The following ECSCR variants were observed in gnomAD, a reference collection of about 807,000 sequenced individuals.
The protein encoded by ECSCR is endothelial cell-specific chemotaxis regulator.
In ECSCR, 12 loss-of-function variants were observed where a neutral mutation model predicts 16.7. The observed-to-expected ratio is 0.72, with a 90% CI of 0.46 to 1.17. The LOEUF (loss-of-function observed/expected upper bound fraction) is 1.17, where lower values mean the gene tolerates loss of function less well. ECSCR is among the 50% of genes most tolerant of loss of function. ECSCR has a pLI of 0.00. For missense variants in ECSCR, 122 were observed against 116.1 expected (o/e 1.05, Z -0.23); for synonymous variants, 44 against 42.2 (o/e 1.04, Z -0.17).
chr5:139,457,281 C>T (rs1326353956), intron 4 of ECSCR, among the ~76,000 whole-genome samples: 2 of 152,192 alleles, frequency 1.3e-5, no homozygotes, highest in Admixed American at 6.5e-5. Context: ...CTCAGCTGAC[C>T]CCTTCTCAGC....
Position 139,459,452 on chromosome 5 carries a change from A to G in ECSCR, c.62-1269T>C, listed in dbSNP as rs574370082. ...AGGGGTCAGTCACCAAGAGTCCCCAATCAGAAGCCCTCACTGGCTTTTTTG... is the reference window on the plus strand; with the variant it reads ...AGGGGTCAGTCACCAAGAGTCCCCAGTCAGAAGCCCTCACTGGCTTTTTTG... On this transcript the variant is annotated intron_variant, in intron 1 of 9. Transcript: ENST00000618155. 4.6e-4 allele frequency among the ~76,000 whole-genome samples: 70 copies of G among 152,312 alleles called. 1 individual carries two copies. In the South Asian group the frequency reaches 9.3e-3, roughly 20 times the overall value.
Position 139,456,534 on chromosome 5 carries a change from G to C in ECSCR, c.218-16C>G. ...ACACCTGCGCCTGCACCATGAAACA[G>C]CATGACCAAGATGGGGGCATCCCCC... On this transcript the variant is annotated splice_polypyrimidine_tract_variant and intron_variant, in intron 4 of 9. Coordinates refer to ENST00000618155, the MANE Select transcript of ECSCR (RefSeq NM_001077693.4). 1 of 398,692 alleles carries C rather than the reference G, an allele frequency of 2.5e-6. No homozygotes were observed. Among genetic ancestry groups the C allele is most frequent in the Admixed American group, 4.4e-5 (1 of 22,734 alleles). The allele number at this position is 398,692 out of a possible 1,614,324, so 24.7% of individuals were successfully genotyped here. A position where few individuals can be genotyped will look rare whatever the true frequency, so the allele number is the denominator to read the frequency against.
chr5:139,458,246 GA>G lies in ECSCR; in HGVS notation c.62-64del, dbSNP rs1751205176. ...CCTGCCCAGCACAGAGCCTAGAAAG[GA>G]ACCCTTAGAATGCCTTCTGGCCCAG... is the stretch of plus-strand genomic sequence containing the variant. On this transcript the variant is annotated intron_variant, in intron 1 of 9. Transcript: ENST00000618155. 2.2e-5 allele frequency: 32 copies of G among 1,482,078 alleles called. 2 individuals carry two copies. The South Asian group carries it at 3.8e-4, about 17-fold the overall frequency. The allele number at this position is 1,482,078 out of a possible 1,614,324, so 91.8% of individuals were successfully genotyped here. A position where few individuals can be genotyped will look rare whatever the true frequency, so the allele number is the denominator to read the frequency against.
chr5:139,456,002 G>A (rs1332387462), intron 5 of ECSCR, among the ~76,000 whole-genome samples: 1 of 151,874 alleles, frequency 6.6e-6, no homozygotes, highest in Non-Finnish European at 1.5e-5. Flanking sequence ...CGTGCCTATA[G>A]TCCCAGCTAC....
chr5:139,449,872 C>T (rs1210641771), intron 8 of ECSCR, among the ~76,000 whole-genome samples: 8 of 151,582 alleles, frequency 5.3e-5, no homozygotes, highest in Admixed American at 6.6e-5. Context: ...CAGGTGTGAG[C>T]CATCGCATCC....
At chr5:139,458,085 C>T in intron 2 of ECSCR, 54 bp downstream of exon 2, 1 of 1,524,648 alleles carries the variant, frequency 6.6e-7, no homozygotes, top group Non-Finnish European at 8.9e-7. Flanking sequence ...TCCTCTCACC[C>T]TTCCTAAGCT....
chr5:139,454,024 A>T (rs1203567137), intron 8 of ECSCR, among the ~76,000 whole-genome samples: 2 of 109,264 alleles, frequency 1.8e-5, no homozygotes, highest in African/African-American at 7.3e-5. Context: ...ATAGTATGGG[A>T]TATGTGTGGT....
In ECSCR at chr5:139,454,895, C is replaced by A. The variant is rs1219121907; in HGVS notation, c.405G>T (p.Val135=). ...FGVISFIVIL[V]VVVIILVGVV... ...CACCAACTAGGATGATCACCACAAC[C>A]ACCAGGATGACAATGAAGCTGATAA... Residue 135 remains valine, a synonymous_variant, in exon 7 of 10, where the codon GTG becomes GTT. Coordinates refer to ENST00000618155, the MANE Select transcript of ECSCR (RefSeq NM_001077693.4). 1 of 398,722 alleles carries A rather than the reference C, an allele frequency of 2.5e-6. No individual in the cohort carries two copies. The highest frequency in any genetic ancestry group is 4.4e-6 in the Non-Finnish European group (1 of 226,270). 24.7% of individuals were successfully genotyped at this position (398,722 alleles called of 1,614,324 possible). A position where few individuals can be genotyped will look rare whatever the true frequency, so the allele number is the denominator to read the frequency against.
rs189938968 is a variant in ECSCR, at chr5:139,461,243, C to T, written c.61+1367G>A. On this transcript the variant is annotated intron_variant, in intron 1 of 9. Transcript: ENST00000618155. ...AGGAAAATGCATATGAAGCACTTAA[C>T]GCAGTGCCTGACATGCTCAATGAAG... is the stretch of plus-strand genomic sequence containing the variant. Among the ~76,000 whole-genome samples, 225 of 152,336 alleles carry T rather than the reference C, an allele frequency of 1.5e-3. 3 individuals are homozygous for T. The highest frequency in any genetic ancestry group is 9.6e-4 in the East Asian group (5 of 5,190).
chr5:139,454,047 GGT>G (rs1393398790), intron 8 of ECSCR, among the ~76,000 whole-genome samples: 16 of 147,794 alleles, frequency 1.1e-4, no homozygotes, highest in African/African-American at 4.0e-4. Flanking sequence ...GTGGAGTGGT[GGT>G]GTGTGTGTGT....
intron 8 of ECSCR, among the ~76,000 whole-genome samples, chr5:139,453,868 G>C (rs1421581202): frequency 6.7e-6 from 1 of 149,570 alleles, no homozygotes; most frequent in Non-Finnish European, 1.5e-5. Flanking sequence ...TGCAGTGTGT[G>C]GTGTGTTTGA....
At chr5:139,457,343 T>A (rs1232509512) in intron 4 of ECSCR, among the ~76,000 whole-genome samples, 3 of 152,174 alleles carry the variant, frequency 2.0e-5, no homozygotes, top group Non-Finnish European at 4.4e-5. Flanking sequence ...GAGTCTGAAG[T>A]GACTGACATG....
chr5:139,451,453 T>C, intron 8 of ECSCR, among the ~76,000 whole-genome samples: 1 of 148,412 alleles, frequency 6.7e-6, no homozygotes, highest in African/African-American at 2.5e-5. Context: ...ATGTGTGTAG[T>C]ATGAGGTACG....
Position 139,455,990 on chromosome 5 carries a change from C to T in ECSCR, c.262+484G>A, listed in dbSNP as rs1043696162. Reference sequence around the variant, plus strand: ...TACAAAAATTAGCCGGGCATGGTGACGCGTGCCTATAGTCCCAGCTACTTA... The same window carrying T: ...TACAAAAATTAGCCGGGCATGGTGATGCGTGCCTATAGTCCCAGCTACTTA... On this transcript the variant is annotated intron_variant, in intron 5 of 9. Transcript: ENST00000618155. Among the ~76,000 whole-genome samples, 23 of 152,088 alleles carry T rather than the reference C, an allele frequency of 1.5e-4. No individual in the cohort carries two copies. The South Asian group carries it at 3.1e-3, about 21-fold the overall frequency.
chr5:139,460,383 G>T (rs908072739), intron 1 of ECSCR, among the ~76,000 whole-genome samples: 1 of 152,094 alleles, frequency 6.6e-6, no homozygotes, highest in East Asian at 1.9e-4. Context: ...TGATCCATTC[G>T]CCTCAGCATC....
At position 139,448,804 on chromosome 5, in the gene ECSCR, C is replaced by T; in HGVS notation, c.*96G>A. On this transcript the variant is annotated 3_prime_UTR_variant, in exon 10 of 10. Transcript: ENST00000618155. ...AGACATGAAACAATAAAATAATTTA[C>T]ATGTGGTTCATTGCCTCTACTAATT... 1 of 1,516,756 alleles carries T rather than the reference C, an allele frequency of 6.6e-7. No individual in the cohort carries two copies. The highest frequency in any genetic ancestry group is 8.8e-7 in the Non-Finnish European group (1 of 1,138,922). The allele number at this position is 1,516,756 out of a possible 1,614,324, so 94.0% of individuals were successfully genotyped here. A position where few individuals can be genotyped will look rare whatever the true frequency, so the allele number is the denominator to read the frequency against.
intron 8 of ECSCR, among the ~76,000 whole-genome samples, 186 bp from the exon 9 acceptor site, chr5:139,449,360 T>G (rs1363825711): frequency 6.6e-6 from 1 of 152,184 alleles, no homozygotes; most frequent in Non-Finnish European, 1.5e-5. Context: ...TATTTAGAGA[T>G]GGAGTCTCGC....
rs190426713 is a variant in ECSCR, at chr5:139,450,434, G to A, written c.513-1260C>T. The stretch of plus-strand genomic sequence containing the variant: ...TGGGAGGATCATTTGAGCCCTGTTG[G>A]CATCACTGCACTCCAGCCTGGGCAA... On this transcript the variant is annotated intron_variant, in intron 8 of 9. Coordinates refer to ENST00000618155, the MANE Select transcript of ECSCR (RefSeq NM_001077693.4). 9.2e-3 allele frequency among the ~76,000 whole-genome samples: 1,379 copies of A among 149,430 alleles called. 15 individuals are homozygous for A. The highest frequency in any genetic ancestry group is 0.031 in the Middle Eastern group (9 of 288).
chr5:139,458,022 C>T (rs991362488), intron 2 of ECSCR, 117 bp downstream of exon 2: 27 of 1,264,882 alleles, frequency 2.1e-5, no homozygotes, highest in African/African-American at 7.4e-5. Context: ...TGAGAGCTCC[C>T]GCTCCAGCTG....
Sources: allele counts gnomAD v4.1 joint callset (sites outside exome capture counted in the v4.1 genomes callset), GRCh38; gene constraint gnomAD v4.1.1; transcripts MANE v1.5; gene names NCBI Gene and HGNC (gene_info 2026-07-23, HGNC 2026-07-21).